Variants in GREB1 observed in about 807,000 individuals in gnomAD.
The protein encoded by GREB1 is growth regulating estrogen receptor binding 1.
GREB1 carries 106 observed loss-of-function variants against 200.7 expected under a neutral mutation model. That is an observed-to-expected ratio of 0.53 (90% confidence interval 0.45 to 0.62). The LOEUF is 0.62. Ranked by LOEUF, GREB1 falls within the 20% of genes least tolerant of loss-of-function variation. GREB1 has a pLI of 0.00. For synonymous variants in GREB1, 1,132 were observed against 1,092.4 expected, an observed-to-expected ratio of 1.04 and a Z score of -0.72; for missense variants, 2,243 against 2,556.8, an observed-to-expected ratio of 0.88 and a Z score of 2.65.
At chr2:11,536,388 T>G (rs186065957) in intron 1 of GREB1, among the ~76,000 whole-genome samples, 2 of 152,190 alleles carry the variant, frequency 1.3e-5, no homozygotes, top group African/African-American at 4.8e-5. Context: ...CAGGGAAACA[T>G]TTTGTAAAAG....
At position 11,580,923 on chromosome 2, in the gene GREB1, T is replaced by C; in HGVS notation, c.901+91T>C. The stretch of plus-strand genomic sequence containing the variant: ...ATGGGAGCTGCTGGGCTGGGGCCGC[T>C]GAGCCTCCTGGAGTCTGATGTGGCT... On this transcript the variant is annotated intron_variant, in intron 7 of 32. Coordinates refer to ENST00000381486, the MANE Select transcript of GREB1 (RefSeq NM_014668.4). The surrounding 1 kb of genome is among the most constrained non-coding windows in gnomAD (Gnocchi z 4.5). 2 of 1,503,996 alleles carry C rather than the reference T, an allele frequency of 1.3e-6. No individual in the cohort carries two copies. Among genetic ancestry groups the C allele is most frequent in the African/African-American group, 2.8e-5 (2 of 72,700 alleles). The allele number at this position is 1,503,996 out of a possible 1,614,324, so 93.2% of individuals were successfully genotyped here.
At chr2:11,579,281 G>A (rs1035568121) in intron 6 of GREB1, among the ~76,000 whole-genome samples, 1 of 152,222 alleles carries the variant, frequency 6.6e-6, no homozygotes, top group African/African-American at 2.4e-5. Flanking sequence ...ATGGCCTGGA[G>A]AGCCTGCTGT....
rs1558636075 is a variant in GREB1, at chr2:11,614,124, G to GTTTTTTTTTTTTTTTTTTT, written c.3123-967_3123-966insTTTTTTTTTTTTTTTTTTT. ...TTTAATCTTTATCACAGCGGACTTAGATTTTTTTTTTTTTTTTTTTGAGAC... is the reference window on the plus strand; with the variant it reads ...TTTAATCTTTATCACAGCGGACTTAGTTTTTTTTTTTTTTTTTTTATTTTTTTTTTTTTTTTTTTGAGAC... On this transcript the variant is annotated intron_variant, in intron 19 of 32. Coordinates refer to ENST00000381486, the MANE Select transcript of GREB1 (RefSeq NM_014668.4). Among the ~76,000 whole-genome samples the GTTTTTTTTTTTTTTTTTTT allele has an allele frequency of 1.5e-5, 2 of 133,400 alleles. 1 individual carries two copies. Among genetic ancestry groups the GTTTTTTTTTTTTTTTTTTT allele is most frequent in the Non-Finnish European group, 3.1e-5 (2 of 65,194 alleles). 87.5% of individuals were successfully genotyped at this position (133,400 alleles called of 152,430 possible). A position where few individuals can be genotyped will look rare whatever the true frequency, so the allele number is the denominator to read the frequency against.
chr2:11,554,974 AAGAGGGAATC>A (rs1257566028), intron 1 of GREB1, among the ~76,000 whole-genome samples: 1 of 152,200 alleles, frequency 6.6e-6, no homozygotes, highest in African/African-American at 2.4e-5. Flanking sequence ...TAACGGATCA[AAGAGGGAATC>A]AGAGGGAAAT....
chr2:11,489,122 C>T (rs4668728), intron 1 of GREB1, among the ~76,000 whole-genome samples: 141,125 of 152,164 alleles, frequency 0.93, 66,394 homozygotes, highest in Non-Finnish European at 1. Context: ...TGCCAAGCCT[C>T]ATACTGGTAG....
chr2:11,523,347 A>G (rs1367277174), intron 1 of GREB1, among the ~76,000 whole-genome samples: 1 of 152,206 alleles, frequency 6.6e-6, no homozygotes, highest in East Asian at 1.9e-4. Context: ...GTTTACCTGT[A>G]TAACAAACCT....
intron 19 of GREB1, among the ~76,000 whole-genome samples, chr2:11,613,254 G>A (rs1683102662): frequency 6.6e-6 from 1 of 152,170 alleles, no homozygotes; most frequent in Non-Finnish European, 1.5e-5. Context: ...AGGTCCCTGG[G>A]CCTCCTGTAA....
chr2:11,557,562 T>C (rs1044913471), intron 2 of GREB1, among the ~76,000 whole-genome samples: 1 of 152,144 alleles, frequency 6.6e-6, no homozygotes, highest in African/African-American at 2.4e-5. Flanking sequence ...AGTGTGTATG[T>C]GGAAGGGGAT....
At chr2:11,618,260 G>GGTCACTCCTGGGA (rs1395485680) in intron 21 of GREB1, 28 bp from the exon 22 acceptor site, 2 of 1,513,608 alleles carry the variant, frequency 1.3e-6, no homozygotes, top group African/African-American at 1.4e-5. Flanking sequence ...CTTCTAGGAC[G>GGTCACTCCTGGGA]TCCCTGACCA....
At chr2:11,538,602 A>G (rs377566632) in intron 1 of GREB1, among the ~76,000 whole-genome samples, 210 of 144,080 alleles carry the variant, frequency 1.5e-3, no homozygotes, top group African/African-American at 4.7e-3. Flanking sequence ...TCTGGACAGG[A>G]GCTTGTGTTT....
At chr2:11,636,642 C>A (rs934519559) in intron 30 of GREB1, among the ~76,000 whole-genome samples, 18 of 152,172 alleles carry the variant, frequency 1.2e-4, no homozygotes, top group Admixed American at 8.5e-4. Flanking sequence ...CGCGGGGAGA[C>A]CTGAGTCTGT....
intron 9 of GREB1, chr2:11,587,749 T>A: frequency 1.1e-6 from 1 of 904,870 alleles, no homozygotes; most frequent in African/African-American, 2.1e-5. Context: ...ACACGCCACC[T>A]TTGGGAGCTC....
chr2:11,578,706 A>G (rs1014140521), intron 6 of GREB1, among the ~76,000 whole-genome samples: 6 of 152,052 alleles, frequency 3.9e-5, no homozygotes, highest in African/African-American at 1.4e-4. Context: ...CCCCACCCCA[A>G]CCCCCGCACA....
intron 3 of GREB1, among the ~76,000 whole-genome samples, chr2:11,565,238 C>T (rs566954407): frequency 1.3e-3 from 205 of 152,338 alleles, no homozygotes; most frequent in Admixed American, 2.5e-3. Context: ...CACTTTGCTG[C>T]AGGTGATGAG....
chr2:11,616,692 A>G lies in GREB1; in HGVS notation c.3384A>G (p.Ala1128=), dbSNP rs1558640729. The G allele has an allele frequency of 6.2e-7, 1 of 1,612,128 alleles. No individual in the cohort carries two copies. The highest frequency in any genetic ancestry group is 8.5e-7 in the Non-Finnish European group (1 of 1,178,168). The change falls in exon 21 of 33, where the codon GCA becomes GCG. Residue 1128 remains alanine, a synonymous_variant. Coordinates refer to ENST00000381486, the MANE Select transcript of GREB1 (RefSeq NM_014668.4). ...KRERSRSHDS[A]SSSLSSKASG... The stretch of plus-strand genomic sequence containing the variant: ...AGAGGTCCCGCTCCCACGACTCAGC[A>G]TCCTCATCCCTCTCCTCCAAGGCTT...
chr2:11,547,022 G>A (rs1234312031), intron 1 of GREB1, among the ~76,000 whole-genome samples: 2 of 145,768 alleles, frequency 1.4e-5, no homozygotes, highest in East Asian at 4.0e-4. Context: ...CTCGGCTCAC[G>A]CAATCTCTGC....
Position 11,507,659 on chromosome 2 carries a change from G to T in GREB1, c.-159+25278G>T, listed in dbSNP as rs535366958. 5.9e-5 allele frequency among the ~76,000 whole-genome samples: 9 copies of T among 152,342 alleles called. No individual in the cohort carries two copies. In the South Asian group the frequency reaches 1.2e-3, roughly 21 times the overall value. ...CAAGGGAGTCTCCTGGCATGGAGTT[G>T]CTGCCTGTCCAGGCGCCAGCCTCCT... On this transcript the variant is annotated intron_variant, in intron 1 of 2. Coordinates refer to the GREB1 transcript ENST00000628795.
At chr2:11,536,031 C>T (rs752806788) in intron 1 of GREB1, among the ~76,000 whole-genome samples, 3 of 152,228 alleles carry the variant, frequency 2.0e-5, no homozygotes, top group Admixed American at 6.5e-5. Context: ...GTTCTCTGCT[C>T]TCCTGGGGAT....
rs545814841 is a variant in GREB1 at position 11,631,404 on chromosome 2, T to A, written c.4612-505T>A. Reference sequence around the variant, plus strand: ...CTGGGCACAATATTAGATTCTAATATGAGAGGGTAATGAATTTGGTTAATT... The same window carrying A: ...CTGGGCACAATATTAGATTCTAATAAGAGAGGGTAATGAATTTGGTTAATT... On this transcript the variant is annotated intron_variant, in intron 26 of 32. Transcript: ENST00000381486. 1.2e-4 allele frequency among the ~76,000 whole-genome samples: 19 copies of A among 152,336 alleles called. No individual in the cohort carries two copies. In the South Asian group the frequency reaches 3.9e-3, roughly 32 times the overall value.
Sources: gnomAD v4.1 joint callset for allele counts (sites outside exome capture counted in the v4.1 genomes callset) on GRCh38, gnomAD v4.1.1 for gene constraint, Gnocchi (gnomAD v3.1) non-coding constraint, MANE v1.5 for transcripts, NCBI Gene and HGNC (gene_info 2026-07-23, HGNC 2026-07-21) for gene names.